Variants in SETDB1 observed in about 807,000 individuals in gnomAD.
SETDB1 encodes SET domain bifurcated histone lysine methyltransferase 1.
SETDB1 carries 31 observed loss-of-function variants against 137.4 expected under a neutral mutation model. That is an observed-to-expected ratio of 0.23 (90% CI 0.17 to 0.30). SETDB1 has a LOEUF of 0.30. SETDB1 is among the 10% of genes least tolerant of loss of function. SETDB1 has a pLI of 1.00. For synonymous variants in SETDB1, 548 were observed against 579.9 expected (o/e 0.95, Z 0.79); for missense variants, 1,113 against 1,631.5 (o/e 0.68, Z 5.47).
intron 10 of SETDB1, among the ~76,000 whole-genome samples, chr1:150,948,524 G>A (rs1670397458): frequency 1.3e-5 from 2 of 152,040 alleles, no homozygotes; most frequent in South Asian, 4.2e-4. Flanking sequence ...GCCCGCCTCA[G>A]CCTCCCAAAG....
intron 3 of SETDB1, among the ~76,000 whole-genome samples, chr1:150,935,216 A>G (rs1037406218): frequency 6.6e-6 from 1 of 152,224 alleles, no homozygotes; most frequent in African/African-American, 2.4e-5. Flanking sequence ...TTTTTGATGG[A>G]AAGTCAGAGG....
chr1:150,930,347 C>T (rs587675119), intron 3 of SETDB1: 4 of 420,356 alleles, frequency 9.5e-6, no homozygotes, highest in African/African-American at 8.0e-5. Flanking sequence ...CTGTGTAACC[C>T]CTATTTTGGG....
intron 14 of SETDB1, 74 bp downstream of exon 14, chr1:150,951,555 AATC>A (rs1347240002): frequency 1.6e-5 from 12 of 752,592 alleles, no homozygotes; most frequent in Non-Finnish European, 2.5e-5. Context: ...TGCTTATAGA[AATC>A]ATCAGAAATC....
Position 150,939,932 on chromosome 1 carries a change from G to T in SETDB1, c.413-8G>T. On this transcript the variant is annotated splice_polypyrimidine_tract_variant and splice_region_variant and intron_variant, in intron 3 of 21. Transcript: ENST00000692827. Reference sequence around the variant, plus strand: ...TCTGACACTCATTAGAGTTCTTCTCGTCCATAGGTGATGCTGGGAGCAGAA... The same window carrying T: ...TCTGACACTCATTAGAGTTCTTCTCTTCCATAGGTGATGCTGGGAGCAGAA... 2 of 1,610,944 alleles carry T rather than the reference G, an allele frequency of 1.2e-6. No individual in the cohort carries two copies. The highest frequency in any genetic ancestry group is 8.5e-7 in the Non-Finnish European group (1 of 1,177,658).
chr1:150,940,706 AAC>A (rs1198476788), intron 4 of SETDB1, among the ~76,000 whole-genome samples: 2 of 152,066 alleles, frequency 1.3e-5, no homozygotes, highest in African/African-American at 4.8e-5. Flanking sequence ...CTCTACTAAA[AAC>A]ACAAAATCAG....
At position 150,927,747 on chromosome 1, in the gene SETDB1, T is replaced by G. The variant is rs1244704865; in HGVS notation, c.33T>G (p.Asp11Glu). 6.2e-7 allele frequency: 1 copy of G among 1,614,172 alleles called. No individual in the cohort carries two copies. The highest frequency in any genetic ancestry group is 1.7e-5 in the Admixed American group (1 of 59,998). Residue 11 changes from aspartate (D) to glutamate (E), a missense_variant, in exon 2 of 22, where the codon GAT becomes GAG. Physicochemically the swap from Asp to Glu is conservative, Grantham distance 45. This residue lies in a region of SETDB1 where 32 missense variants were observed against 26.3 expected (regional missense o/e 1.22). Transcript: ENST00000692827. The part of the protein sequence containing the change: MSSLPGCIGL[D>E]AATATVESEE... ...CCCTTCCTGGGTGCATTGGTTTGGA[T>G]GCAGCAACAGCTACAGTGGAGTCTG...
chr1:150,944,861 T>C (rs1670276221), intron 8 of SETDB1, 57 bp from the exon 9 acceptor site: 1 of 1,588,436 alleles, frequency 6.3e-7, no homozygotes, highest in Admixed American at 1.7e-5. Flanking sequence ...GCCAAGTCTT[T>C]TCCCTATCAA....
chr1:150,944,798 C>T, intron 8 of SETDB1, 120 bp from the exon 9 acceptor site: 1 of 1,124,878 alleles, frequency 8.9e-7, no homozygotes, highest in South Asian at 1.6e-5. Context: ...CCTTGAGGTT[C>T]TGATTTTACT....
At chr1:150,927,208 C>CA (rs1447243523) in intron 1 of SETDB1, among the ~76,000 whole-genome samples, 2 of 152,186 alleles carry the variant, frequency 1.3e-5, no homozygotes, top group African/African-American at 4.8e-5. Flanking sequence ...CTCACTACAG[C>CA]AGCTACTCCT....
chr1:150,941,111 C>T (rs1453769666), intron 4 of SETDB1, among the ~76,000 whole-genome samples: 1 of 151,958 alleles, frequency 6.6e-6, no homozygotes, highest in Admixed American at 6.6e-5. Flanking sequence ...TATGGTGAGC[C>T]GAGATTGTGC....
intron 15 of SETDB1, 59 bp downstream of exon 15, chr1:150,959,406 C>G (rs115773897): frequency 2.1e-6 from 3 of 1,397,130 alleles, no homozygotes; most frequent in African/African-American, 1.5e-5. Flanking sequence ...GGAATTGAAC[C>G]AGAGACAAAT....
At chr1:150,939,898 G>A in intron 3 of SETDB1, 42 bp from the exon 4 acceptor site, 1 of 1,524,308 alleles carries the variant, frequency 6.6e-7, no homozygotes, top group Non-Finnish European at 9.0e-7. Flanking sequence ...AAGTTCCTCT[G>A]TGTAAGTCTC....
intron 14 of SETDB1, among the ~76,000 whole-genome samples, chr1:150,953,317 G>C (rs1036806703): frequency 6.6e-6 from 1 of 152,136 alleles, no homozygotes; most frequent in African/African-American, 2.4e-5. Flanking sequence ...TTGAGGTCAG[G>C]AGTTCAAGAC....
At chr1:150,943,670 C>T (rs1037182619) in intron 7 of SETDB1, among the ~76,000 whole-genome samples, 1 of 152,088 alleles carries the variant, frequency 6.6e-6, no homozygotes, top group Non-Finnish European at 1.5e-5. Context: ...AAGGAGACTC[C>T]GTCTCAAAAA....
rs753073044 is a variant in SETDB1, at chr1:150,963,512, A to G, written c.3461-18A>G. The G allele has an allele frequency of 1.3e-6, 2 of 1,597,438 alleles. No homozygotes were observed. Among genetic ancestry groups the G allele is most frequent in the South Asian group, 2.3e-5 (2 of 88,352 alleles). On this transcript the variant is annotated intron_variant, in intron 19 of 21. Transcript: ENST00000692827. Reference sequence around the variant, plus strand: ...ATGAGTTGGGATGGGTCCTGACCCCATTCTCCCTCCTGTCCAGGTCCAATG... The same window carrying G: ...ATGAGTTGGGATGGGTCCTGACCCCGTTCTCCCTCCTGTCCAGGTCCAATG...
intron 2 of SETDB1, 80 bp downstream of exon 2, chr1:150,928,054 C>T (rs1256263815): frequency 1.4e-6 from 2 of 1,465,384 alleles, no homozygotes; most frequent in Non-Finnish European, 1.9e-6. Context: ...GACATTGAAC[C>T]AAGCATTTTA....
intron 1 of SETDB1, among the ~76,000 whole-genome samples, chr1:150,927,500 C>T (rs1331124141): frequency 6.6e-6 from 1 of 152,112 alleles, no homozygotes; most frequent in East Asian, 1.9e-4. Flanking sequence ...AAATCTTTTT[C>T]AGGAGTGTTA....
intron 3 of SETDB1, among the ~76,000 whole-genome samples, chr1:150,937,150 A>G (rs899652023): frequency 9.9e-5 from 15 of 151,776 alleles, no homozygotes; most frequent in African/African-American, 2.4e-5. Context: ...GTGTATATAT[A>G]TAGTATTACC....
intron 10 of SETDB1, 64 bp downstream of exon 10, chr1:150,947,076 C>T (rs1670354499): frequency 1.3e-6 from 2 of 1,581,048 alleles, no homozygotes; most frequent in Admixed American, 3.4e-5. Flanking sequence ...AGATTATATA[C>T]AATGGCTATC....
Sources: gnomAD v4.1 joint callset for allele counts (sites outside exome capture counted in the v4.1 genomes callset) on GRCh38, gnomAD v4.1.1 for gene constraint, gnomAD v4.1.1 regional missense constraint, MANE v1.5 for transcripts, NCBI Gene and HGNC (gene_info 2026-07-23, HGNC 2026-07-21) for gene names.